Variants in IRAK1BP1 observed in about 807,000 individuals in gnomAD.
IRAK1BP1 encodes interleukin 1 receptor associated kinase 1 binding protein 1.
IRAK1BP1 carries 24 observed loss-of-function variants against 28.0 expected under a neutral mutation model. That is an observed-to-expected ratio of 0.86 (90% CI 0.62 to 1.20). The LOEUF is 1.20. Among genes scored for constraint, IRAK1BP1 ranks in the 50% most tolerant of loss-of-function variants. The pLI is 0.00. For synonymous variants in IRAK1BP1, 131 were observed against 116.3 expected, an observed-to-expected ratio of 1.13 and a Z score of -0.81; for missense variants, 336 against 316.7, an observed-to-expected ratio of 1.06 and a Z score of -0.46.
At chr6:78,956,485 G>A in the IRAK1BP1 span, 1 of 152,044 alleles carries the variant, frequency 6.6e-6, no homozygotes, top group African/African-American at 2.4e-5. Context: ...ACATTTTTAA[G>A]GCATAGTGTA....
At chr6:78,926,826 C>T (rs575446470) in intron 4 of IRAK1BP1, among the ~76,000 whole-genome samples, 38 of 152,188 alleles carry the variant, frequency 2.5e-4, no homozygotes, top group Non-Finnish European at 1.5e-5. Flanking sequence ...TGGCTTATTT[C>T]CCTTAACATG....
intron 4 of IRAK1BP1, among the ~76,000 whole-genome samples, chr6:78,919,214 G>A (rs1201282510): frequency 1.3e-5 from 2 of 152,016 alleles, no homozygotes; most frequent in Non-Finnish European, 2.9e-5. Flanking sequence ...TTAAGATAAA[G>A]GTTATAGCAC....
At chr6:78,965,869 CTT>C in the IRAK1BP1 span, 1 of 1,217,562 alleles carries the variant, frequency 8.2e-7, no homozygotes, top group African/African-American at 1.5e-5. Context: ...AAAGAAGTCT[CTT>C]TATCTCTTAA....
At chr6:78,875,023 A>G (rs1260660400) in intron 1 of IRAK1BP1, among the ~76,000 whole-genome samples, 1 of 152,168 alleles carries the variant, frequency 6.6e-6, no homozygotes, top group Non-Finnish European at 1.5e-5. Flanking sequence ...CCAGAATCCT[A>G]TAAGGAATAA....
chr6:78,922,948 G>C (rs932921895), intron 4 of IRAK1BP1, among the ~76,000 whole-genome samples: 1 of 152,044 alleles, frequency 6.6e-6, no homozygotes, highest in Non-Finnish European at 1.5e-5. Context: ...AGGAACAATC[G>C]GTACCAGCCA....
intron 1 of IRAK1BP1, among the ~76,000 whole-genome samples, chr6:78,869,149 T>A (rs764059706): frequency 6.6e-6 from 1 of 152,254 alleles, no homozygotes; most frequent in Non-Finnish European, 1.5e-5. Flanking sequence ...CTACTAGTGC[T>A]GTAGTCGTTT....
At chr6:78,874,036 T>A (rs992841692) in intron 1 of IRAK1BP1, among the ~76,000 whole-genome samples, 5 of 152,216 alleles carry the variant, frequency 3.3e-5, no homozygotes, top group African/African-American at 1.2e-4. Context: ...GTAGTTCTCT[T>A]GGCTTTACCT....
chr6:78,970,907 A>G, the IRAK1BP1 span: 1 of 1,533,570 alleles, frequency 6.5e-7, no homozygotes, highest in Non-Finnish European at 9.0e-7. Flanking sequence ...TAAAGTCATA[A>G]TCTTACAACC....
chr6:78,918,578 T>TAAAAAAAAA (rs58669467), intron 4 of IRAK1BP1, among the ~76,000 whole-genome samples: 1 of 66,780 alleles, frequency 1.5e-5, no homozygotes, highest in Non-Finnish European at 2.6e-5. Flanking sequence ...CCAAAAACAG[T>TAAAAAAAAA]AAAAAAAAAA....
At chr6:78,965,465 T>TTTCA in the IRAK1BP1 span, among the ~76,000 whole-genome samples, 1 of 152,196 alleles carries the variant, frequency 6.6e-6, no homozygotes, top group Non-Finnish European at 1.5e-5. Flanking sequence ...AATAAAACAA[T>TTTCA]TTCATGTTTT....
At chr6:78,952,622 G>T in the IRAK1BP1 span, among the ~76,000 whole-genome samples, 2 of 151,746 alleles carry the variant, frequency 1.3e-5, no homozygotes, top group Non-Finnish European at 1.5e-5. Flanking sequence ...TTCTGTGTGG[G>T]ATTCTATAGA....
At chr6:78,960,402 T>C in the IRAK1BP1 span, among the ~76,000 whole-genome samples, 2 of 152,040 alleles carry the variant, frequency 1.3e-5, no homozygotes, top group African/African-American at 2.4e-5. Context: ...TTCCAATCTT[T>C]AGCAATTTAA....
chr6:78,945,469 T>C lies in IRAK1BP1; in HGVS notation c.*129T>C. 2 of 1,609,476 alleles carry C rather than the reference T, an allele frequency of 1.2e-6. No homozygotes were observed. The highest frequency in any genetic ancestry group is 1.7e-4 in the Middle Eastern group (1 of 6,048). On this transcript the variant is annotated 3_prime_UTR_variant and NMD_transcript_variant, in exon 5 of 5. Transcript: ENST00000606868. ...CAGGACTGGAAAGAGTATTCAAAGC[T>C]TTGGAATGTTTCACAGAATTCTCTA...
At chr6:78,874,945 A>G (rs1377787560) in intron 1 of IRAK1BP1, among the ~76,000 whole-genome samples, 2 of 152,246 alleles carry the variant, frequency 1.3e-5, no homozygotes, top group Non-Finnish European at 2.9e-5. Flanking sequence ...CTATCAACAG[A>G]GTAAACAGAA....
intron 4 of IRAK1BP1, among the ~76,000 whole-genome samples, chr6:78,943,990 TAAAAAAAA>T (rs558983037): frequency 1.3e-5 from 1 of 78,144 alleles, no homozygotes; most frequent in African/African-American, 5.2e-5. Context: ...TGTCTTTTTT[TAAAAAAAA>T]AAAAAAAAAA....
At chr6:78,897,108 C>T (rs892399952) in intron 2 of IRAK1BP1, among the ~76,000 whole-genome samples, 2 of 151,400 alleles carry the variant, frequency 1.3e-5, no homozygotes, top group African/African-American at 4.9e-5. Flanking sequence ...TTTTAATTAG[C>T]TGGGCATGGT....
intron 4 of IRAK1BP1, among the ~76,000 whole-genome samples, chr6:78,912,504 T>G (rs1210054764): frequency 1.3e-5 from 2 of 152,148 alleles, no homozygotes; most frequent in Non-Finnish European, 2.9e-5. Context: ...GAATTGGATT[T>G]GCTGTATACA....
chr6:78,930,640 A>T (rs1031043231), intron 4 of IRAK1BP1, among the ~76,000 whole-genome samples: 6 of 152,204 alleles, frequency 3.9e-5, no homozygotes, highest in Admixed American at 2.6e-4. Context: ...AGAGAAATAC[A>T]ACTGTGTGGC....
the IRAK1BP1 span, among the ~76,000 whole-genome samples, chr6:78,972,809 G>A: frequency 7.9e-5 from 12 of 152,252 alleles, no homozygotes; most frequent in East Asian, 1.3e-3. Context: ...GAAATGAAGC[G>A]AGAAGGGAAG....
Sources: gnomAD v4.1 joint callset for allele counts (sites outside exome capture counted in the v4.1 genomes callset) on GRCh38, gnomAD v4.1.1 for gene constraint, MANE v1.5 for transcripts, NCBI Gene and HGNC (gene_info 2026-07-23, HGNC 2026-07-21) for gene names.